GTF2F2: variants seen among roughly 807,000 people sequenced by gnomAD.
GTF2F2 encodes ATP-dependent helicase GTF2F2.
Under a neutral mutation model 42.2 loss-of-function variants are expected in GTF2F2, and 23 were observed. The ratio of observed to expected loss-of-function variants is 0.55; its 90% CI spans 0.39 to 0.77. GTF2F2 has a LOEUF of 0.77. GTF2F2 is among the 30% of genes least tolerant of loss of function. The probability of loss-of-function intolerance (pLI) is 0.00; values close to 1 mark genes in which losing one functional copy is unlikely to be tolerated. For missense variants in GTF2F2, 261 were observed against 287.2 expected (o/e 0.91, Z 0.66); for synonymous variants, 105 against 100.8 (o/e 1.04, Z -0.25).
intron 4 of GTF2F2, among the ~76,000 whole-genome samples, chr13:45,188,957 G>C (rs1304301298): frequency 2.0e-5 from 3 of 151,710 alleles, no homozygotes; most frequent in Non-Finnish European, 4.4e-5. Flanking sequence ...ACAATGTGCA[G>C]GTTTGTTACA....
At chr13:45,235,746 C>T (rs375633914) in intron 5 of GTF2F2, among the ~76,000 whole-genome samples, 23 of 152,022 alleles carry the variant, frequency 1.5e-4, no homozygotes, top group African/African-American at 5.5e-4. Flanking sequence ...CCCACTACCA[C>T]ACCTGGCTTT....
intron 4 of GTF2F2, 173 bp from the exon 5 acceptor site, chr13:45,207,251 A>G (rs763657818): frequency 2.7e-5 from 14 of 516,294 alleles, no homozygotes; most frequent in Admixed American, 6.3e-5. Flanking sequence ...TTACTAAGCC[A>G]AGAATAAGGC....
At chr13:45,215,548 T>C (rs569445491) in intron 5 of GTF2F2, among the ~76,000 whole-genome samples, 2 of 151,982 alleles carry the variant, frequency 1.3e-5, no homozygotes, top group African/African-American at 4.8e-5. Flanking sequence ...TCACCTAAGG[T>C]CAGGAGTTTG....
chr13:45,174,934 CATTT>C (rs1001836624), intron 4 of GTF2F2, among the ~76,000 whole-genome samples: 7 of 152,174 alleles, frequency 4.6e-5, no homozygotes, highest in African/African-American at 1.7e-4. Flanking sequence ...TCACCTCAAA[CATTT>C]ATCATTTCTC....
intron 1 of GTF2F2, among the ~76,000 whole-genome samples, chr13:45,125,569 G>A (rs773735026): frequency 1.2e-4 from 19 of 152,022 alleles, no homozygotes; most frequent in Non-Finnish European, 2.6e-4. Flanking sequence ...TGATCTGCCC[G>A]TCTCGGCCTT....
chr13:45,271,043 A>G (rs1026568027), intron 7 of GTF2F2, among the ~76,000 whole-genome samples: 4 of 152,214 alleles, frequency 2.6e-5, no homozygotes, highest in African/African-American at 9.6e-5. Context: ...CTGTAATCCC[A>G]GCACTTTGGG....
At position 45,181,144 on chromosome 13, in the gene GTF2F2, G is replaced by T. The variant is rs190186285; in HGVS notation, c.305-26280G>T. Reference sequence around the variant, plus strand: ...ATCACACCACTACACTCCAGCCTGGGCAACAGAGTGAGACCCTGTCTCAAA... The same window carrying T: ...ATCACACCACTACACTCCAGCCTGGTCAACAGAGTGAGACCCTGTCTCAAA... On this transcript the variant is annotated intron_variant, in intron 4 of 7. Coordinates refer to ENST00000340473, the MANE Select transcript of GTF2F2 (RefSeq NM_004128.3). Among the ~76,000 whole-genome samples, 24 of 142,114 alleles carry T rather than the reference G, an allele frequency of 1.7e-4. 1 individual carries two copies. The highest frequency in any genetic ancestry group is 5.0e-4 in the African/African-American group (19 of 37,764). The allele number at this position is 142,114 out of a possible 152,430, so 93.2% of individuals were successfully genotyped here. A position where few individuals can be genotyped will look rare whatever the true frequency, so the allele number is the denominator to read the frequency against.
chr13:45,226,698 T>G (rs1233372245), intron 5 of GTF2F2, among the ~76,000 whole-genome samples: 3 of 152,200 alleles, frequency 2.0e-5, no homozygotes, highest in African/African-American at 7.2e-5. Flanking sequence ...TCTAAATTTA[T>G]AAAATTAGTT....
chr13:45,227,935 A>C (rs1738311620), intron 5 of GTF2F2, among the ~76,000 whole-genome samples: 1 of 152,190 alleles, frequency 6.6e-6, no homozygotes, highest in African/African-American at 2.4e-5. Flanking sequence ...GGGGGACTGA[A>C]GGCTAGAAAA....
intron 4 of GTF2F2, among the ~76,000 whole-genome samples, chr13:45,191,390 C>G (rs1177326856): frequency 6.6e-6 from 1 of 150,730 alleles, no homozygotes; most frequent in East Asian, 1.9e-4. Context: ...GAAAGATAGT[C>G]ACTTTGTGAT....
intron 5 of GTF2F2, among the ~76,000 whole-genome samples, chr13:45,229,517 G>T (rs1874560201): frequency 6.6e-6 from 1 of 152,022 alleles, no homozygotes; most frequent in South Asian, 2.1e-4. Context: ...GAAATTAGAG[G>T]CTTTTTTTGG....
chr13:45,201,265 A>G (rs1410042738), intron 4 of GTF2F2, among the ~76,000 whole-genome samples: 1 of 152,216 alleles, frequency 6.6e-6, no homozygotes, highest in Non-Finnish European at 1.5e-5. Context: ...TCCAGCATAG[A>G]GCACAAATTT....
chr13:45,243,243 G>A (rs1173640888), intron 5 of GTF2F2, among the ~76,000 whole-genome samples: 7 of 152,128 alleles, frequency 4.6e-5, no homozygotes. Flanking sequence ...CGCCTGGGCC[G>A]CATACTGGTC....
chr13:45,220,021 T>C (rs1395048973), intron 5 of GTF2F2, among the ~76,000 whole-genome samples: 4 of 152,210 alleles, frequency 2.6e-5, no homozygotes, highest in African/African-American at 9.6e-5. Flanking sequence ...CGCGGCTCCA[T>C]TAGGGCAAAG....
chr13:45,219,111 A>G (rs1874007667), intron 5 of GTF2F2, among the ~76,000 whole-genome samples: 1 of 151,920 alleles, frequency 6.6e-6, no homozygotes, highest in Non-Finnish European at 1.5e-5. Context: ...TGGGTCCCTC[A>G]CTTTTATATG....
chr13:45,156,691 A>G (rs938123382), intron 4 of GTF2F2, among the ~76,000 whole-genome samples: 2 of 152,210 alleles, frequency 1.3e-5, no homozygotes, highest in Non-Finnish European at 2.9e-5. Flanking sequence ...TGGAAGATTG[A>G]GAAGCCTAGA....
intron 5 of GTF2F2, among the ~76,000 whole-genome samples, chr13:45,220,587 C>T (rs1874067562): frequency 6.6e-6 from 1 of 152,042 alleles, no homozygotes; most frequent in Admixed American, 6.6e-5. Context: ...TGGCACAGCC[C>T]AACCAAGGAA....
intron 6 of GTF2F2, among the ~76,000 whole-genome samples, chr13:45,259,596 G>A (rs572159060): frequency 1.3e-5 from 2 of 151,882 alleles, no homozygotes; most frequent in South Asian, 4.2e-4. Flanking sequence ...TTGAGGGTGG[G>A]GTGTTCAGTA....
At chr13:45,120,801 C>A in intron 1 of GTF2F2, 80 bp downstream of exon 1, 1 of 1,050,466 alleles carries the variant, frequency 9.5e-7, no homozygotes, top group Non-Finnish European at 1.4e-6. Flanking sequence ...CCGCTCCGTG[C>A]GCCTCTTAAA....
Sources: gnomAD v4.1 joint callset for allele counts (sites outside exome capture counted in the v4.1 genomes callset) on GRCh38, gnomAD v4.1.1 for gene constraint, MANE v1.5 for transcripts, NCBI Gene and HGNC (gene_info 2026-07-23, HGNC 2026-07-21) for gene names.